BRINP1: variants seen among roughly 807,000 people sequenced by gnomAD.
The protein encoded by BRINP1 is BMP/retinoic acid-inducible neural-specific protein 1.
In BRINP1, 17 loss-of-function variants were observed where a neutral mutation model predicts 72.9. The ratio of observed to expected loss-of-function variants is 0.23; its 90% CI spans 0.16 to 0.35. The LOEUF (loss-of-function observed/expected upper bound fraction) is 0.35. Ranked by LOEUF, BRINP1 falls within the 10% of genes least tolerant of loss-of-function variation. BRINP1 has a pLI of 1.00. For missense variants in BRINP1, 850 were observed against 1,001.6 expected, an observed-to-expected ratio of 0.85 and a Z score of 2.04; for synonymous variants, 418 against 378.5, an observed-to-expected ratio of 1.10 and a Z score of -1.21.
intron 7 of BRINP1, among the ~76,000 whole-genome samples, chr9:119,180,097 T>C (rs1829535697): frequency 6.6e-6 from 1 of 152,160 alleles, no homozygotes; most frequent in South Asian, 2.1e-4. Flanking sequence ...TTGCCTAAGA[T>C]GGGAATACAG....
intron 5 of BRINP1, among the ~76,000 whole-genome samples, chr9:119,232,036 A>G (rs1175458961): frequency 6.6e-6 from 1 of 152,152 alleles, no homozygotes; most frequent in Non-Finnish European, 1.5e-5. Context: ...CGTAGGTTCC[A>G]ACTCAACTAG....
chr9:119,238,708 TC>T lies in BRINP1; in HGVS notation c.631del (p.Asp211ThrfsTer3). ...PLGCNSYDNL[D>X]SVSSVLLQST... is the part of the protein sequence containing the mutation. ...TTGCAGAAGGACGGAACTCACAGAG[TC>T]CAGATTGTCATAGCTGTTACAGCCC... On this transcript the variant is annotated frameshift_variant, in exon 5 of 8. Coordinates refer to ENST00000265922, the MANE Select transcript of BRINP1 (RefSeq NM_014618.3). LOFTEE classifies it high-confidence loss of function. The T allele has an allele frequency of 6.2e-7, 1 of 1,612,582 alleles. No individual in the cohort carries two copies. Among genetic ancestry groups the T allele is most frequent in the Non-Finnish European group, 8.5e-7 (1 of 1,179,654 alleles).
At chr9:119,356,460 A>G (rs1831566756) in intron 1 of BRINP1, among the ~76,000 whole-genome samples, 2 of 152,194 alleles carry the variant, frequency 1.3e-5, no homozygotes, top group African/African-American at 4.8e-5. Flanking sequence ...TCCCTGCTGT[A>G]TTCATAGCTC....
At chr9:119,250,755 T>C (rs1309069243) in intron 2 of BRINP1, among the ~76,000 whole-genome samples, 1 of 152,122 alleles carries the variant, frequency 6.6e-6, no homozygotes, top group Non-Finnish European at 1.5e-5. Context: ...CCACCAAAGA[T>C]GCAGCTCCCC....
At chr9:119,287,713 C>T (rs562320573) in intron 2 of BRINP1, among the ~76,000 whole-genome samples, 1 of 152,324 alleles carries the variant, frequency 6.6e-6, no homozygotes, top group Non-Finnish European at 1.5e-5. Context: ...TAGCAGCCCT[C>T]ACACAGATCC....
At chr9:119,308,896 T>C (rs891904621) in intron 2 of BRINP1, among the ~76,000 whole-genome samples, 3 of 151,538 alleles carry the variant, frequency 2.0e-5, no homozygotes, top group Non-Finnish European at 4.4e-5. Context: ...ATCCAAAGAG[T>C]ACCATAATTA....
intron 7 of BRINP1, among the ~76,000 whole-genome samples, chr9:119,203,722 A>C (rs1310080773): frequency 1.3e-5 from 2 of 152,208 alleles, no homozygotes; most frequent in African/African-American, 4.8e-5. Context: ...ATCTTTACAA[A>C]TAGACAACTC....
intron 2 of BRINP1, among the ~76,000 whole-genome samples, chr9:119,276,441 T>C (rs2118957020): frequency 6.6e-6 from 1 of 152,334 alleles, no homozygotes; most frequent in Admixed American, 6.5e-5. Context: ...AATGCTACTA[T>C]ATGGATCATT....
intron 5 of BRINP1, among the ~76,000 whole-genome samples, chr9:119,234,151 G>A (rs1054849096): frequency 3.3e-5 from 5 of 152,120 alleles, no homozygotes; most frequent in Admixed American, 1.3e-4. Flanking sequence ...CAGGATTGAT[G>A]GGTCATTGAC....
chr9:119,306,193 G>C (rs1343256900), intron 2 of BRINP1, among the ~76,000 whole-genome samples: 1 of 152,176 alleles, frequency 6.6e-6, no homozygotes, highest in Non-Finnish European at 1.5e-5. Context: ...ACTCACAGAA[G>C]TCAGTTCAGT....
At chr9:119,291,892 A>G (rs1490193138) in intron 2 of BRINP1, among the ~76,000 whole-genome samples, 1 of 152,224 alleles carries the variant, frequency 6.6e-6, no homozygotes, top group Non-Finnish European at 1.5e-5. Flanking sequence ...TCCATTAGCA[A>G]TAGACAAAAG....
intron 7 of BRINP1, among the ~76,000 whole-genome samples, chr9:119,196,767 C>T (rs938923107): frequency 3.9e-5 from 6 of 152,218 alleles, no homozygotes; most frequent in Admixed American, 6.5e-5. Flanking sequence ...AATATTTAAC[C>T]TCAGTCCTCT....
At chr9:119,211,628 T>G (rs1829929705) in intron 6 of BRINP1, among the ~76,000 whole-genome samples, 1 of 152,230 alleles carries the variant, frequency 6.6e-6, no homozygotes, top group South Asian at 2.1e-4. Flanking sequence ...CCAATGGCTT[T>G]TACTTTGGGC....
intron 7 of BRINP1, among the ~76,000 whole-genome samples, chr9:119,190,501 T>A (rs1564213171): frequency 6.6e-6 from 1 of 150,644 alleles, no homozygotes; most frequent in African/African-American, 2.4e-5. Context: ...ATAAAAAGGA[T>A]CATAAGGGAC....
intron 2 of BRINP1, among the ~76,000 whole-genome samples, chr9:119,312,655 T>C (rs942891418): frequency 2.0e-5 from 3 of 152,222 alleles, no homozygotes; most frequent in Non-Finnish European, 4.4e-5. Flanking sequence ...GGGTAGGATA[T>C]TGGGTACATC....
intron 2 of BRINP1, among the ~76,000 whole-genome samples, chr9:119,272,833 GTAGCCTGAA>G (rs1268293029): frequency 6.6e-6 from 1 of 152,186 alleles, no homozygotes. Flanking sequence ...ATAACTCAGG[GTAGCCTGAA>G]TTTGTGTCCT....
intron 1 of BRINP1, among the ~76,000 whole-genome samples, chr9:119,365,886 T>C (rs1033437048): frequency 2.0e-5 from 3 of 152,100 alleles, no homozygotes; most frequent in Non-Finnish European, 4.4e-5. Context: ...CGGAAAATCC[T>C]GCATGGAAAA....
intron 1 of BRINP1, among the ~76,000 whole-genome samples, chr9:119,354,326 CATGTTTTAA>C (rs1182574118): frequency 1.3e-5 from 2 of 152,106 alleles, no homozygotes; most frequent in Non-Finnish European, 2.9e-5. Flanking sequence ...GATTTCAAGT[CATGTTTTAA>C]AGCCTGGGAA....
intron 7 of BRINP1, among the ~76,000 whole-genome samples, chr9:119,183,019 C>T (rs1588156752): frequency 6.6e-6 from 1 of 152,160 alleles, no homozygotes; most frequent in African/African-American, 2.4e-5. Context: ...AAGGTAAGCA[C>T]TAAGTCATCA....
Sources: allele counts gnomAD v4.1 joint callset (sites outside exome capture counted in the v4.1 genomes callset), GRCh38; gene constraint gnomAD v4.1.1; transcripts MANE v1.5; gene names NCBI Gene and HGNC (gene_info 2026-07-23, HGNC 2026-07-21).